SFI1: variants seen among roughly 807,000 people sequenced by gnomAD.
The protein encoded by SFI1 is protein SFI1 homolog.
In SFI1, 195 loss-of-function variants were observed where a neutral mutation model predicts 207.5. That is an observed-to-expected ratio of 0.94 (90% CI 0.84 to 1.06). The LOEUF (loss-of-function observed/expected upper bound fraction) is 1.06, where lower values mean the gene tolerates loss of function less well. Among genes scored for constraint, SFI1 ranks in the 50% least tolerant of loss-of-function variants. The probability of loss-of-function intolerance (pLI) is 0.00; values close to 1 mark genes in which losing one functional copy is unlikely to be tolerated. For missense variants in SFI1, 1,634 were observed against 1,588.0 expected, an observed-to-expected ratio of 1.03 and a Z score of -0.49; for synonymous variants, 630 against 598.9, an observed-to-expected ratio of 1.05 and a Z score of -0.76.
chr22:31,559,549 C>T, intron 7 of SFI1: 1 of 594,446 alleles, frequency 1.7e-6, no homozygotes, highest in Non-Finnish European at 3.1e-6. Context: ...CATCAACGGG[C>T]AGCAGAAAAT....
chr22:31,553,743 T>C lies in SFI1; in HGVS notation c.545-3199T>C, dbSNP rs189767066. Among the ~76,000 whole-genome samples the C allele has an allele frequency of 4.6e-4, 69 of 151,358 alleles. 1 individual carries two copies. The highest frequency in any genetic ancestry group is 1.4e-3 in the African/African-American group (56 of 41,362). On this transcript the variant is annotated intron_variant, in intron 6 of 32. Coordinates refer to ENST00000400288, the MANE Select transcript of SFI1 (RefSeq NM_001007467.3). Reference sequence around the variant, plus strand: ...TGATTTGCTATGTTTTCTCCTAGTCTGTGACTTGTCTTTTCATTCTCTTAA... The same window carrying C: ...TGATTTGCTATGTTTTCTCCTAGTCCGTGACTTGTCTTTTCATTCTCTTAA...
intron 15 of SFI1, among the ~76,000 whole-genome samples, chr22:31,599,778 G>A (rs994419901): frequency 2.6e-5 from 4 of 151,790 alleles, no homozygotes; most frequent in Non-Finnish European, 5.9e-5. Flanking sequence ...GCCTGGCCCA[G>A]TTCTGTTTAG....
chr22:31,525,689 T>A (rs955990898), intron 2 of SFI1, among the ~76,000 whole-genome samples: 3 of 151,950 alleles, frequency 2.0e-5, no homozygotes, highest in African/African-American at 7.3e-5. Context: ...TGTATTCCAG[T>A]GGGGCAACAG....
chr22:31,599,661 A>G (rs1224423703), intron 15 of SFI1, among the ~76,000 whole-genome samples: 1 of 150,612 alleles, frequency 6.6e-6, no homozygotes, highest in East Asian at 1.9e-4. Context: ...TTTTTTGTAG[A>G]AAAAGGGTCT....
At chr22:31,529,922 G>A (rs1292427880) in intron 3 of SFI1, among the ~76,000 whole-genome samples, 1 of 152,070 alleles carries the variant, frequency 6.6e-6, no homozygotes, top group Non-Finnish European at 1.5e-5. Context: ...TGTAATCCCA[G>A]CACTTTGGGA....
chr22:31,526,959 A>G (rs2057986701), intron 2 of SFI1, among the ~76,000 whole-genome samples: 1 of 151,758 alleles, frequency 6.6e-6, no homozygotes. Context: ...ATGGAGTGCA[A>G]TGGCATGGCT....
intron 12 of SFI1, among the ~76,000 whole-genome samples, chr22:31,581,769 G>GA (rs1254323900): frequency 5.3e-5 from 8 of 151,204 alleles, no homozygotes; most frequent in South Asian, 4.2e-4. Flanking sequence ...AGAAAAATAG[G>GA]AAAAAAAAGT....
chr22:31,608,141 C>G lies in SFI1; in HGVS notation c.2254+108C>G, dbSNP rs1177483693. 4 of 805,868 alleles carry G rather than the reference C, an allele frequency of 5.0e-6. No homozygotes were observed. The East Asian group carries it at 8.1e-5, about 16-fold the overall frequency. The allele number at this position is 805,868 out of a possible 1,614,324, so 49.9% of individuals were successfully genotyped here. The stretch of plus-strand genomic sequence containing the variant: ...TGTCTCCTCCTCATACATGCCAGTT[C>G]CCTGTGGTTGCCATGACAAAGTACC... On this transcript the variant is annotated intron_variant, in intron 22 of 32. Transcript: ENST00000400288.
intron 8 of SFI1, among the ~76,000 whole-genome samples, chr22:31,567,639 A>T (rs1018236717): frequency 1.3e-5 from 2 of 152,084 alleles, no homozygotes; most frequent in African/African-American, 4.8e-5. Flanking sequence ...TGAAAAACTT[A>T]CCAAAAAATG....
rs768858307 is a variant in SFI1 at position 31,520,060 on chromosome 22, C to T, written c.93-8630C>T. 1.4e-4 allele frequency among the ~76,000 whole-genome samples: 22 copies of T among 151,788 alleles called. No homozygotes were observed. In the Middle Eastern group the frequency reaches 0.013, roughly 87 times the overall value. On this transcript the variant is annotated intron_variant, in intron 2 of 32. Transcript: ENST00000400288. Reference sequence around the variant, plus strand: ...GGATTACAGGCATGAGCCACCGTGCCTGGCCAAAAATTATTTACTGATAAA... The same window carrying T: ...GGATTACAGGCATGAGCCACCGTGCTTGGCCAAAAATTATTTACTGATAAA...
chr22:31,602,895 C>G, intron 17 of SFI1, 110 bp downstream of exon 17: 2 of 1,252,500 alleles, frequency 1.6e-6, no homozygotes, highest in Non-Finnish European at 2.2e-6. Context: ...TTACCCCAGA[C>G]TCTGGTTGTA....
chr22:31,612,973 C>T, intron 24 of SFI1, 169 bp from the exon 25 acceptor site: 1 of 638,862 alleles, frequency 1.6e-6, no homozygotes. Context: ...ACAGATGGAG[C>T]GTGTGTTGAG....
chr22:31,541,602 A>G (rs974688927), intron 4 of SFI1, among the ~76,000 whole-genome samples: 1 of 151,886 alleles, frequency 6.6e-6, no homozygotes, highest in Non-Finnish European at 1.5e-5. Context: ...AAAAATACAA[A>G]AATTAGCCAG....
intron 2 of SFI1, among the ~76,000 whole-genome samples, chr22:31,511,470 T>TG (rs2055522622): frequency 4.3e-5 from 2 of 46,538 alleles, no homozygotes; most frequent in African/African-American, 1.6e-4. Flanking sequence ...TTCTGTTTTT[T>TG]TTTTTTTTTT....
chr22:31,528,805 C>T lies in SFI1; in HGVS notation c.208C>T (p.Gln70Ter), dbSNP rs749642923. 6.2e-7 allele frequency: 1 copy of T among 1,614,120 alleles called. No individual in the cohort carries two copies. The highest frequency in any genetic ancestry group is 8.5e-7 in the Non-Finnish European group (1 of 1,179,996). ...GTTACCTAGTACCAGTCATCTAGTG[C>T]AGTATCGTGGCACACATACTTGTAC... The part of the protein sequence containing the change: ...RELPSTSHLV[Q>*]YRGTHTCTRQ... Residue 70 changes from glutamine to a stop codon, truncating the protein, a stop_gained, in exon 3 of 33, where the codon CAG (glutamine) becomes TAG (stop). Coordinates refer to ENST00000400288, the MANE Select transcript of SFI1 (RefSeq NM_001007467.3). LOFTEE classifies it high-confidence loss of function.
At chr22:31,514,129 A>G (rs1569183703) in intron 2 of SFI1, among the ~76,000 whole-genome samples, 2 of 145,774 alleles carry the variant, frequency 1.4e-5, no homozygotes, top group Admixed American at 1.4e-4. Context: ...TGACGGAGTG[A>G]AACTCCATCT....
chr22:31,534,153 C>G lies in SFI1; in HGVS notation c.338+3024C>G, dbSNP rs537390090. 1.5e-3 allele frequency among the ~76,000 whole-genome samples: 223 copies of G among 152,238 alleles called. 1 individual carries two copies. Among genetic ancestry groups the G allele is most frequent in the African/African-American group, 5.1e-3 (213 of 41,556 alleles). On this transcript the variant is annotated intron_variant, in intron 4 of 32. Coordinates refer to ENST00000400288, the MANE Select transcript of SFI1 (RefSeq NM_001007467.3). ...TTATTTTTTGAGACAGAGTCTCGCT[C>G]TGTCGCTCAGGCTGCAGTGCAGTGG...
At position 31,613,681 on chromosome 22, in the gene SFI1, C is replaced by T; in HGVS notation, c.2822C>T (p.Pro941Leu). The T allele has an allele frequency of 1.2e-6, 2 of 1,611,134 alleles. No homozygotes were observed. The highest frequency in any genetic ancestry group is 1.3e-5 in the African/African-American group (1 of 75,038). ...AAAGTGCTGGGCCGGGGCGGGAAGCCTCAGCCCCTGGCAGCCATCGCACCC... is the reference window on the plus strand; with the variant it reads ...AAAGTGCTGGGCCGGGGCGGGAAGCTTCAGCCCCTGGCAGCCATCGCACCC... The part of the protein sequence containing the change: ...KQKVLGRGGK[P>L]QPLAAIAPSR... The change falls in exon 27 of 33, where the codon CCT (proline) becomes CTT (leucine). Residue 941 changes from proline (P) to leucine (L), a missense_variant. By Grantham distance (98) the Pro-to-Leu change is moderately conservative. Transcript: ENST00000400288.
At chr22:31,525,523 T>C (rs2057798390) in intron 2 of SFI1, among the ~76,000 whole-genome samples, 1 of 151,878 alleles carries the variant, frequency 6.6e-6, no homozygotes, top group African/African-American at 2.4e-5. Flanking sequence ...AGCCTGGGAG[T>C]TCAAGACCAT....
Sources: allele counts gnomAD v4.1 joint callset (sites outside exome capture counted in the v4.1 genomes callset), GRCh38; gene constraint gnomAD v4.1.1; transcripts MANE v1.5; gene names NCBI Gene and HGNC (gene_info 2026-07-23, HGNC 2026-07-21).